Variants in FMN2 observed in about 807,000 individuals in gnomAD.
The protein encoded by FMN2 is formin 2, also known as formin-2.
FMN2 carries 51 observed loss-of-function variants against 142.3 expected under a neutral mutation model. The observed-to-expected ratio is 0.36, with a 90% CI of 0.29 to 0.45. FMN2 has a LOEUF of 0.45. Ranked by LOEUF, FMN2 falls within the 20% of genes least tolerant of loss-of-function variation. FMN2 has a pLI of 1.00. For synonymous variants in FMN2, 882 were observed against 869.8 expected, an observed-to-expected ratio of 1.01 and a Z score of -0.25; for missense variants, 1,936 against 2,122.8, an observed-to-expected ratio of 0.91 and a Z score of 1.73.
chr1:240,174,240 T>C (rs965392274), intron 2 of FMN2, among the ~76,000 whole-genome samples: 7 of 152,308 alleles, frequency 4.6e-5, no homozygotes, highest in Admixed American at 6.5e-5. Flanking sequence ...GATAGGCTGT[T>C]TTCTGGGGCT....
At chr1:240,398,924 A>G (rs1200845344) in intron 15 of FMN2, among the ~76,000 whole-genome samples, 5 of 152,196 alleles carry the variant, frequency 3.3e-5, no homozygotes, top group Non-Finnish European at 1.5e-5. Context: ...GTAGAATTAG[A>G]AACCAGAGTC....
At chr1:240,308,185 A>G (rs74151612) in intron 8 of FMN2, among the ~76,000 whole-genome samples, 1,552 of 152,286 alleles carry the variant, frequency 0.01, 24 homozygotes, top group African/African-American at 0.035. Flanking sequence ...AGACCATATC[A>G]TGCCTGAAGT....
chr1:240,241,179 T>C lies in FMN2; in HGVS notation c.4066-16766T>C, dbSNP rs186206631. Among the ~76,000 whole-genome samples, 413 of 152,186 alleles carry C rather than the reference T, an allele frequency of 2.7e-3. 2 individuals carry two copies. Among genetic ancestry groups the C allele is most frequent in the South Asian group, 0.025 (121 of 4,828 alleles). On this transcript the variant is annotated intron_variant, in intron 6 of 17. Coordinates refer to ENST00000319653, the MANE Select transcript of FMN2 (RefSeq NM_020066.5). The stretch of plus-strand genomic sequence containing the variant: ...AAATATATACCTAATGCCATTTTGT[T>C]TCTTCATCGGTTTGTTTGGAATCAC...
chr1:240,197,166 A>G (rs1226280919), intron 4 of FMN2, among the ~76,000 whole-genome samples: 1 of 152,192 alleles, frequency 6.6e-6, no homozygotes, highest in Non-Finnish European at 1.5e-5. Context: ...ACCAGTGCCC[A>G]GTGATGTAGT....
At chr1:240,231,842 G>A (rs941861539) in intron 6 of FMN2, among the ~76,000 whole-genome samples, 3 of 152,088 alleles carry the variant, frequency 2.0e-5, no homozygotes, top group East Asian at 1.9e-4. Context: ...ACATCTATCC[G>A]GTCTTATCAT....
intron 8 of FMN2, among the ~76,000 whole-genome samples, chr1:240,300,636 A>G (rs532482855): frequency 5.4e-5 from 8 of 149,164 alleles, no homozygotes; most frequent in African/African-American, 1.0e-4. Flanking sequence ...AAAGAGACAT[A>G]TATAACTTAC....
At chr1:240,170,792 T>C (rs1664670536) in intron 2 of FMN2, 1 of 1,034,734 alleles carries the variant, frequency 9.7e-7, no homozygotes, top group East Asian at 2.4e-5. Flanking sequence ...TTGACAGTTA[T>C]CGTGGGCGGT....
At chr1:240,112,855 C>T (rs1037051433) in intron 1 of FMN2, among the ~76,000 whole-genome samples, 2 of 152,164 alleles carry the variant, frequency 1.3e-5, no homozygotes, top group Non-Finnish European at 1.5e-5. Flanking sequence ...AGGGACTGAC[C>T]TTCTAGCTGG....
chr1:240,167,279 G>C (rs1664519288), intron 2 of FMN2, among the ~76,000 whole-genome samples: 1 of 152,080 alleles, frequency 6.6e-6, no homozygotes, highest in Non-Finnish European at 1.5e-5. Flanking sequence ...ACACTCCTTT[G>C]TCATTTTTAT....
chr1:240,330,075 C>T (rs1671327638), intron 10 of FMN2, among the ~76,000 whole-genome samples: 1 of 152,116 alleles, frequency 6.6e-6, no homozygotes, highest in South Asian at 2.1e-4. Flanking sequence ...AAGTGACATG[C>T]AAAGTCAAGT....
intron 1 of FMN2, among the ~76,000 whole-genome samples, chr1:240,120,313 A>G (rs567318406): frequency 1.3e-5 from 2 of 152,346 alleles, no homozygotes; most frequent in South Asian, 2.1e-4. Flanking sequence ...TGGTTTTTAC[A>G]TGTTCAAAGT....
At chr1:240,135,751 C>T (rs2103242180) in intron 2 of FMN2, among the ~76,000 whole-genome samples, 1 of 150,428 alleles carries the variant, frequency 6.6e-6, no homozygotes, top group Admixed American at 6.6e-5. Flanking sequence ...GCGATCTCGG[C>T]TCACTGCAGC....
chr1:240,184,517 G>GT (rs71712034), intron 3 of FMN2, among the ~76,000 whole-genome samples: 6,331 of 119,700 alleles, frequency 0.053, 199 homozygotes, highest in Admixed American at 0.1. Flanking sequence ...CGCCCGGCCT[G>GT]TTTTTTTTTT....
chr1:240,207,127 G>A lies in FMN2; in HGVS notation c.2315G>A (p.Gly772Glu). Residue 772 changes from glycine (G) to glutamate (E), a missense_variant, in exon 5 of 18, where the codon GGG becomes GAG. By Grantham distance (98) the Gly-to-Glu change is moderately conservative. Coordinates refer to ENST00000319653, the MANE Select transcript of FMN2 (RefSeq NM_020066.5). Reference protein sequence around the residue: ...GLPGRPPCPPGAESGPQTKFC... With the variant: ...GLPGRPPCPPEAESGPQTKFC... ...CCAGGGCGTCCTCCATGCCCCCCTG[G>A]GGCTGAAAGTGGACCTCAGACAAAG... 2 of 1,614,050 alleles carry A rather than the reference G, an allele frequency of 1.2e-6. No individual in the cohort carries two copies. Among genetic ancestry groups the A allele is most frequent in the South Asian group, 1.1e-5 (1 of 91,084 alleles).
At position 240,262,634 on chromosome 1, in the gene FMN2, A is replaced by G. The variant is rs1668668284; in HGVS notation, c.4153+4602A>G. Among the ~76,000 whole-genome samples, 14 of 152,266 alleles carry G rather than the reference A, an allele frequency of 9.2e-5. No homozygotes were observed. In the South Asian group the frequency reaches 2.9e-3, roughly 32 times the overall value. ...CTGCAAAAGAATTTGCAATTCCATA[A>G]GCTTCAGCTTTATCCCCCAACAATG... On this transcript the variant is annotated intron_variant, in intron 7 of 17. Transcript: ENST00000319653.
At chr1:240,158,780 T>G (rs1664140039) in intron 2 of FMN2, among the ~76,000 whole-genome samples, 1 of 152,174 alleles carries the variant, frequency 6.6e-6, no homozygotes, top group Non-Finnish European at 1.5e-5. Flanking sequence ...TCATAAAGAC[T>G]CTAGTTGATA....
At chr1:240,115,745 G>C (rs758134751) in intron 1 of FMN2, among the ~76,000 whole-genome samples, 2 of 152,182 alleles carry the variant, frequency 1.3e-5, no homozygotes. Flanking sequence ...CCCTCAGGAA[G>C]CAATTCAAGA....
At chr1:240,407,049 A>G (rs115770106) in intron 15 of FMN2, among the ~76,000 whole-genome samples, 1,707 of 152,254 alleles carry the variant, frequency 0.011, 37 homozygotes, top group African/African-American at 0.037. Flanking sequence ...TAAAAGTAGC[A>G]TGAAGAAATG....
intron 2 of FMN2, among the ~76,000 whole-genome samples, chr1:240,135,741 G>A (rs1339705984): frequency 9.4e-5 from 14 of 149,544 alleles, no homozygotes; most frequent in African/African-American, 2.7e-4. Context: ...GTGCAGTGGT[G>A]CGATCTCGGC....
Sources: gnomAD v4.1 joint callset for allele counts (sites outside exome capture counted in the v4.1 genomes callset) on GRCh38, gnomAD v4.1.1 for gene constraint, MANE v1.5 for transcripts, NCBI Gene and HGNC (gene_info 2026-07-23, HGNC 2026-07-21) for gene names.